The following FOXD3 variants were observed in gnomAD, a reference collection of about 807,000 sequenced individuals.
FOXD3 encodes forkhead box protein D3.
In FOXD3, 3 loss-of-function variants were observed where a neutral mutation model predicts 3.6. The observed-to-expected ratio is 0.84, with a 90% confidence interval of 0.38 to 2.18. The LOEUF (loss-of-function observed/expected upper bound fraction) is 2.18, where lower values mean the gene tolerates loss of function less well. Ranked by LOEUF, FOXD3 falls within the 30% of genes most tolerant of loss-of-function variation. FOXD3 has a pLI of 0.06. For synonymous variants in FOXD3, 391 were observed against 360.9 expected (o/e 1.08, Z -0.94); for missense variants, 686 against 731.6 (o/e 0.94, Z 0.72).
At position 63,323,424 on chromosome 1, in the gene FOXD3, G is replaced by T. The variant is rs764730613; in HGVS notation, c.366G>T (p.Ala122=). 1 of 1,554,972 alleles carries T rather than the reference G, an allele frequency of 6.4e-7. No homozygotes were observed. The highest frequency in any genetic ancestry group is 8.7e-7 in the Non-Finnish European group (1 of 1,153,828). Residue 122 remains alanine, a synonymous_variant, in exon 1 of 1, where the codon GCG becomes GCT. Coordinates refer to ENST00000371116, the MANE Select transcript of FOXD3 (RefSeq NM_012183.3). The surrounding 1 kb of genome is among the most constrained non-coding windows in gnomAD (Gnocchi z 6.8). Reference sequence around the variant, plus strand: ...GCGCGAGCGGCGGCGGGCCTGGCGCGGGCAGCGGTTCGGCGGGAGGCCTGG... The same window carrying T: ...GCGCGAGCGGCGGCGGGCCTGGCGCTGGCAGCGGTTCGGCGGGAGGCCTGG... ...EGGASGGGPG[A]GSGSAGGLAP...
chr1:63,322,831 G>T lies in FOXD3; in HGVS notation c.-228G>T. The T allele has an allele frequency of 1.0e-6, 1 of 985,388 alleles. No homozygotes were observed. Among genetic ancestry groups the T allele is most frequent in the Non-Finnish European group, 1.2e-6 (1 of 829,904 alleles). The allele number at this position is 985,388 out of a possible 1,614,324, so 61.0% of individuals were successfully genotyped here. A position where few individuals can be genotyped will look rare whatever the true frequency, so the allele number is the denominator to read the frequency against. On this transcript the variant is annotated 5_prime_UTR_variant, in exon 1 of 1. Coordinates refer to ENST00000371116, the MANE Select transcript of FOXD3 (RefSeq NM_012183.3). ...GCGCCAGGGACGGCAGGAGTTCGCG[G>T]AGCGCGGCCGCTGGGGGCGGACGGC...
Position 63,322,959 on chromosome 1 carries a change from G to A in FOXD3, c.-100G>A, listed in dbSNP as rs1260014318. 7.1e-7 allele frequency: 1 copy of A among 1,407,836 alleles called. No individual in the cohort carries two copies. The highest frequency in any genetic ancestry group is 9.2e-7 in the Non-Finnish European group (1 of 1,085,366). 87.2% of individuals were successfully genotyped at this position (1,407,836 alleles called of 1,614,324 possible). Reference sequence around the variant, plus strand: ...CCCTCTCCCTGCCCCCCATCTTTCGGGGGCACTCAAACCCTCTTCCCCTGA... The same window carrying A: ...CCCTCTCCCTGCCCCCCATCTTTCGAGGGCACTCAAACCCTCTTCCCCTGA... On this transcript the variant is annotated 5_prime_UTR_variant, in exon 1 of 1. Transcript: ENST00000371116.
Position 63,324,725 on chromosome 1 carries a change from A to G in FOXD3, c.*230A>G, listed in dbSNP as rs1019133757. On this transcript the variant is annotated 3_prime_UTR_variant, in exon 1 of 1. Transcript: ENST00000371116. This position sits in a 1 kb window ranked among gnomAD's most constrained non-coding sequence, Gnocchi z 4.1. ...CAAACTCACCGCGCGCCCGCCGGGG[A>G]TAGCTTTCCATACAGGTAAAACCGA... The G allele has an allele frequency of 7.1e-6, 4 of 564,852 alleles. No homozygotes were observed. Among genetic ancestry groups the G allele is most frequent in the African/African-American group, 6.0e-5 (3 of 49,776 alleles). 35.0% of individuals were successfully genotyped at this position (564,852 alleles called of 1,614,324 possible).
rs1167778180 is a variant in FOXD3, at chr1:63,323,371, A to C, written c.313A>C (p.Lys105Gln). 1.5e-6 allele frequency: 2 copies of C among 1,371,924 alleles called. No individual in the cohort carries two copies. Among genetic ancestry groups the C allele is most frequent in the Non-Finnish European group, 9.4e-7 (1 of 1,066,122 alleles). The allele number at this position is 1,371,924 out of a possible 1,614,324, so 85.0% of individuals were successfully genotyped here. Residue 105 changes from lysine to glutamine, a missense_variant, in exon 1 of 1, where the codon AAG becomes CAG. Coordinates refer to ENST00000371116, the MANE Select transcript of FOXD3 (RefSeq NM_012183.3). This position sits in a 1 kb window ranked among gnomAD's most constrained non-coding sequence, Gnocchi z 6.8. ...GGGCGCGCCGGAGGCGGACGGCTGC[A>C]AGGGCGGTGTTGGCGGCGAGGAGGG... is the stretch of plus-strand genomic sequence containing the variant. ...DVGAPEADGC[K>Q]GGVGGEEGGA...
chr1:63,323,373 G>A lies in FOXD3; in HGVS notation c.315G>A (p.Lys105=). 1.5e-6 allele frequency: 2 copies of A among 1,376,956 alleles called. No individual in the cohort carries two copies. Among genetic ancestry groups the A allele is most frequent in the Non-Finnish European group, 9.4e-7 (1 of 1,068,890 alleles). 85.3% of individuals were successfully genotyped at this position (1,376,956 alleles called of 1,614,324 possible). Residue 105 remains lysine, a synonymous_variant, in exon 1 of 1, where the codon AAG becomes AAA. Transcript: ENST00000371116. This position sits in a 1 kb window ranked among gnomAD's most constrained non-coding sequence, Gnocchi z 6.8. Reference sequence around the variant, plus strand: ...GCGCGCCGGAGGCGGACGGCTGCAAGGGCGGTGTTGGCGGCGAGGAGGGCG... The same window carrying A: ...GCGCGCCGGAGGCGGACGGCTGCAAAGGCGGTGTTGGCGGCGAGGAGGGCG... ...DVGAPEADGC[K]GGVGGEEGGA...
rs1445347441 is a variant in FOXD3 at position 63,322,794 on chromosome 1, G to C, written c.-265G>C. ...GCCGGGGCCGGGAGCGGTAGCGAGC[G>C]CCTAGTACCGAGCGCCAGGGACGGC... On this transcript the variant is annotated 5_prime_UTR_variant, in exon 1 of 1. Coordinates refer to ENST00000371116, the MANE Select transcript of FOXD3 (RefSeq NM_012183.3). 1.0e-6 allele frequency: 1 copy of C among 985,234 alleles called. No individual in the cohort carries two copies. The highest frequency in any genetic ancestry group is 1.7e-5 in the African/African-American group (1 of 57,236). The allele number at this position is 985,234 out of a possible 1,614,324, so 61.0% of individuals were successfully genotyped here. A position where few individuals can be genotyped will look rare whatever the true frequency, so the allele number is the denominator to read the frequency against.
chr1:63,324,681 C>T lies in FOXD3; in HGVS notation c.*186C>T. The stretch of plus-strand genomic sequence containing the variant: ...CTTCCGCGGCCTCCATCCCCTCGCG[C>T]ACACCTAAGCTGGTCGAGCAAACTC... On this transcript the variant is annotated 3_prime_UTR_variant, in exon 1 of 1. Coordinates refer to ENST00000371116, the MANE Select transcript of FOXD3 (RefSeq NM_012183.3). This position sits in a 1 kb window ranked among gnomAD's most constrained non-coding sequence, Gnocchi z 4.1. 3.4e-6 allele frequency: 2 copies of T among 587,892 alleles called. No homozygotes were observed. Among genetic ancestry groups the T allele is most frequent in the Non-Finnish European group, 6.1e-6 (2 of 329,350 alleles). The allele number at this position is 587,892 out of a possible 1,614,324, so 36.4% of individuals were successfully genotyped here. A position where few individuals can be genotyped will look rare whatever the true frequency, so the allele number is the denominator to read the frequency against.
chr1:63,323,226 C>T lies in FOXD3; in HGVS notation c.168C>T (p.Asp56=). The part of the protein sequence containing the change: ...SPAGPPELRL[D]EADEVPPAAP... The stretch of plus-strand genomic sequence containing the variant: ...CGGGGCCGCCGGAGCTGCGCCTGGA[C>T]GAGGCGGACGAGGTGCCCCCGGCGG... The change falls in exon 1 of 1, where the codon GAC becomes GAT. Residue 56 remains aspartate, a synonymous_variant. Transcript: ENST00000371116. The surrounding 1 kb of genome is among the most constrained non-coding windows in gnomAD (Gnocchi z 6.8). The T allele has an allele frequency of 3.3e-6, 5 of 1,526,686 alleles. No homozygotes were observed. Among genetic ancestry groups the T allele is most frequent in the Non-Finnish European group, 3.5e-6 (4 of 1,137,668 alleles). The allele number at this position is 1,526,686 out of a possible 1,614,324, so 94.6% of individuals were successfully genotyped here.
In FOXD3 at chr1:63,322,685, C is replaced by T; in HGVS notation, c.-374C>T. 2.0e-6 allele frequency: 2 copies of T among 979,164 alleles called. No individual in the cohort carries two copies. The highest frequency in any genetic ancestry group is 2.4e-6 in the Non-Finnish European group (2 of 824,228). The allele number at this position is 979,164 out of a possible 1,614,324, so 60.7% of individuals were successfully genotyped here. On this transcript the variant is annotated 5_prime_UTR_variant, in exon 1 of 1. Transcript: ENST00000371116. ...GCTGCTCGGCGCCCGGCGTCCCGCG[C>T]CCGCCTGGACCGCTCCTGCGCCCCA...
In FOXD3 at chr1:63,322,936, C is replaced by T; in HGVS notation, c.-123C>T. ...CCCAAGCCACCTGCGGCCCCCTCCC[C>T]TCTCCCTGCCCCCCATCTTTCGGGG... On this transcript the variant is annotated 5_prime_UTR_variant, in exon 1 of 1. Transcript: ENST00000371116. 7.2e-7 allele frequency: 1 copy of T among 1,394,656 alleles called. No homozygotes were observed. The highest frequency in any genetic ancestry group is 9.3e-7 in the Non-Finnish European group (1 of 1,079,602). 86.4% of individuals were successfully genotyped at this position (1,394,656 alleles called of 1,614,324 possible).
rs775517293 is a variant in FOXD3 at position 63,324,208 on chromosome 1, A to G, written c.1150A>G (p.Ile384Val). The change falls in exon 1 of 1, where the codon ATA becomes GTA. Residue 384 changes from isoleucine (I) to valine (V), a missense_variant. Transcript: ENST00000371116. The surrounding 1 kb of genome is among the most constrained non-coding windows in gnomAD (Gnocchi z 4.1). ...GCCGTCGTTCAGCATCGAGAACATC[A>G]TAGGTGGGGGCCCCGCGGCTCCTGG... ...ARPSFSIENI[I>V]GGGPAAPGGS... 1 of 1,444,846 alleles carries G rather than the reference A, an allele frequency of 6.9e-7. No individual in the cohort carries two copies. Among genetic ancestry groups the G allele is most frequent in the Non-Finnish European group, 9.0e-7 (1 of 1,110,632 alleles). The allele number at this position is 1,444,846 out of a possible 1,614,324, so 89.5% of individuals were successfully genotyped here. A position where few individuals can be genotyped will look rare whatever the true frequency, so the allele number is the denominator to read the frequency against.
At position 63,322,853 on chromosome 1, in the gene FOXD3, C is replaced by T. The variant is rs1198061890; in HGVS notation, c.-206C>T. ...GCGGAGCGCGGCCGCTGGGGGCGGA[C>T]GGCAGAGCCCGCGCCACGCGATGCG... On this transcript the variant is annotated 5_prime_UTR_variant, in exon 1 of 1. The change creates a new upstream start codon in the 5' untranslated region. Coordinates refer to ENST00000371116, the MANE Select transcript of FOXD3 (RefSeq NM_012183.3). The T allele has an allele frequency of 1.0e-6, 1 of 985,278 alleles. No individual in the cohort carries two copies. The allele number at this position is 985,278 out of a possible 1,614,324, so 61.0% of individuals were successfully genotyped here.
At position 63,322,893 on chromosome 1, in the gene FOXD3, G is replaced by A; in HGVS notation, c.-166G>A. 3.6e-6 allele frequency: 5 copies of A among 1,380,938 alleles called. No individual in the cohort carries two copies. The highest frequency in any genetic ancestry group is 1.5e-5 in the African/African-American group (1 of 65,194). 85.5% of individuals were successfully genotyped at this position (1,380,938 alleles called of 1,614,324 possible). A position where few individuals can be genotyped will look rare whatever the true frequency, so the allele number is the denominator to read the frequency against. Reference sequence around the variant, plus strand: ...CACGCGATGCGGGGCCGCCGAGTGTGAGCTGAGCCCAGCGGGCCCCAAGCC... The same window carrying A: ...CACGCGATGCGGGGCCGCCGAGTGTAAGCTGAGCCCAGCGGGCCCCAAGCC... On this transcript the variant is annotated 5_prime_UTR_variant, in exon 1 of 1. It removes the in-frame stop codon of an upstream open reading frame in the 5' UTR. Transcript: ENST00000371116.
At position 63,323,490 on chromosome 1, in the gene FOXD3, C is replaced by T. The variant is rs1299968330; in HGVS notation, c.432C>T (p.Tyr144=). Residue 144 remains tyrosine (Y), a synonymous_variant, in exon 1 of 1, where the codon TAC becomes TAT. Coordinates refer to ENST00000371116, the MANE Select transcript of FOXD3 (RefSeq NM_012183.3). This position sits in a 1 kb window ranked among gnomAD's most constrained non-coding sequence, Gnocchi z 6.8. Reference sequence around the variant, plus strand: ...AGAACAGCCTAGTGAAGCCGCCTTACTCGTACATCGCGCTCATCACCATGG... The same window carrying T: ...AGAACAGCCTAGTGAAGCCGCCTTATTCGTACATCGCGCTCATCACCATGG... ...KPKNSLVKPP[Y]SYIALITMAI... is the part of the protein sequence containing the mutation. 2.5e-6 allele frequency: 4 copies of T among 1,613,852 alleles called. No homozygotes were observed. The highest frequency in any genetic ancestry group is 2.7e-5 in the African/African-American group (2 of 74,922).
chr1:63,323,051 G>T lies in FOXD3; in HGVS notation c.-8G>T. On this transcript the variant is annotated 5_prime_UTR_variant, in exon 1 of 1. Coordinates refer to ENST00000371116, the MANE Select transcript of FOXD3 (RefSeq NM_012183.3). The surrounding 1 kb of genome is among the most constrained non-coding windows in gnomAD (Gnocchi z 6.8). Reference sequence around the variant, plus strand: ...CCTCCCCGCCGCCGCTACCAACCCCGAGGAGGGATGACCCTCTCCGGCGGC... The same window carrying T: ...CCTCCCCGCCGCCGCTACCAACCCCTAGGAGGGATGACCCTCTCCGGCGGC... 6.5e-7 allele frequency: 1 copy of T among 1,529,366 alleles called. No individual in the cohort carries two copies. The allele number at this position is 1,529,366 out of a possible 1,614,324, so 94.7% of individuals were successfully genotyped here. A position where few individuals can be genotyped will look rare whatever the true frequency, so the allele number is the denominator to read the frequency against.
rs1163173475 is a variant in FOXD3, at chr1:63,324,594, G to A, written c.*99G>A. 1.2e-5 allele frequency: 11 copies of A among 901,854 alleles called. No homozygotes were observed. The highest frequency in any genetic ancestry group is 1.9e-5 in the Non-Finnish European group (11 of 583,480). The allele number at this position is 901,854 out of a possible 1,614,324, so 55.9% of individuals were successfully genotyped here. ...CTGTCCCAAGCCCGGTCCCGGTCCC[G>A]CTGCCCAATCCTGGACTCTGCCTCT... On this transcript the variant is annotated 3_prime_UTR_variant, in exon 1 of 1. Coordinates refer to ENST00000371116, the MANE Select transcript of FOXD3 (RefSeq NM_012183.3). The surrounding 1 kb of genome is among the most constrained non-coding windows in gnomAD (Gnocchi z 4.1).
Position 63,323,890 on chromosome 1 carries a change from C to T in FOXD3, c.832C>T (p.His278Tyr), listed in dbSNP as rs1452262275. The stretch of plus-strand genomic sequence containing the variant: ...ACCCTACGGCCGCCCCTACGGCCTG[C>T]ACCCTGCGGCGGCGGCCGGTGCCTA... ...AGPYGRPYGL[H>Y]PAAAAGAYSH... Residue 278 changes from histidine to tyrosine, a missense_variant, in exon 1 of 1, where the codon CAC (histidine) becomes TAC (tyrosine). His to Tyr is a moderately conservative substitution (Grantham distance 83, BLOSUM62 2). Around this residue, in one of 3 missense-constraint regions of FOXD3, gnomAD observed 370 missense variants for 372.3 expected, o/e 0.99. Coordinates refer to ENST00000371116, the MANE Select transcript of FOXD3 (RefSeq NM_012183.3). The surrounding 1 kb of genome is among the most constrained non-coding windows in gnomAD (Gnocchi z 6.8). 1 of 1,399,106 alleles carries T rather than the reference C, an allele frequency of 7.1e-7. No homozygotes were observed. Among genetic ancestry groups the T allele is most frequent in the Non-Finnish European group, 9.2e-7 (1 of 1,084,866 alleles). The allele number at this position is 1,399,106 out of a possible 1,614,324, so 86.7% of individuals were successfully genotyped here. A position where few individuals can be genotyped will look rare whatever the true frequency, so the allele number is the denominator to read the frequency against.
chr1:63,322,849 C>T lies in FOXD3; in HGVS notation c.-210C>T, dbSNP rs543553632. 5.1e-6 allele frequency: 5 copies of T among 985,382 alleles called. No homozygotes were observed. In the African/African-American group the frequency reaches 8.7e-5, roughly 17 times the overall value. The allele number at this position is 985,382 out of a possible 1,614,324, so 61.0% of individuals were successfully genotyped here. The stretch of plus-strand genomic sequence containing the variant: ...GTTCGCGGAGCGCGGCCGCTGGGGG[C>T]GGACGGCAGAGCCCGCGCCACGCGA... On this transcript the variant is annotated 5_prime_UTR_variant, in exon 1 of 1. Transcript: ENST00000371116.
Position 63,322,626 on chromosome 1 carries a change from C to A in FOXD3, c.-433C>A, listed in dbSNP as rs908583581. 1.0e-6 allele frequency: 1 copy of A among 952,646 alleles called. No homozygotes were observed. Among genetic ancestry groups the A allele is most frequent in the Non-Finnish European group, 1.2e-6 (1 of 800,084 alleles). 59.0% of individuals were successfully genotyped at this position (952,646 alleles called of 1,614,324 possible). On this transcript the variant is annotated 5_prime_UTR_variant, in exon 1 of 1. Transcript: ENST00000371116. ...GCGTCCCTGACACCCAGCCCCCTGC[C>A]CCCCCGCTACTGTCCCTGCCCGCGC...
Sources: gnomAD v4.1 joint callset for allele counts on GRCh38, gnomAD v4.1.1 for gene constraint, gnomAD v4.1.1 regional missense constraint, Gnocchi (gnomAD v3.1) non-coding constraint, MANE v1.5 for transcripts, NCBI Gene and HGNC (gene_info 2026-07-23, HGNC 2026-07-21) for gene names.